The following ABTB2 variants were observed in gnomAD, a reference collection of about 807,000 sequenced individuals.
ABTB2 encodes ankyrin repeat and BTB/POZ domain-containing protein 2.
Under a neutral mutation model 104.1 loss-of-function variants are expected in ABTB2, and 56 were observed. The ratio of observed to expected loss-of-function variants is 0.54; its 90% confidence interval spans 0.43 to 0.67. ABTB2 has a LOEUF of 0.67. Among genes scored for constraint, ABTB2 ranks in the 30% least tolerant of loss-of-function variants. ABTB2 has a pLI of 0.00. For synonymous variants in ABTB2, 606 were observed against 608.2 expected (o/e 1.00, Z 0.05); for missense variants, 1,279 against 1,407.7 (o/e 0.91, Z 1.46).
Position 34,167,256 on chromosome 11 carries a change from C to A in ABTB2, c.1755+3G>T. On this transcript the variant is annotated splice_donor_region_variant and intron_variant, in intron 7 of 16. Transcript: ENST00000435224. ...GCATGGTGTTCACCTGGCAGGAGCT[C>A]ACCTGGACCACAGAGATGTGTCCAT... is the stretch of plus-strand genomic sequence containing the variant. 6.2e-7 allele frequency: 1 copy of A among 1,606,340 alleles called. No individual in the cohort carries two copies. Among genetic ancestry groups the A allele is most frequent in the South Asian group, 1.1e-5 (1 of 89,446 alleles).
intron 1 of ABTB2, among the ~76,000 whole-genome samples, chr11:34,340,496 G>A (rs561499212): frequency 1.1e-4 from 17 of 152,310 alleles, no homozygotes; most frequent in African/African-American, 3.9e-4. Context: ...GACTGGGGGA[G>A]TCAAGGTGCG....
intron 1 of ABTB2, among the ~76,000 whole-genome samples, chr11:34,207,040 C>T (rs1040493733): frequency 1.3e-5 from 2 of 152,238 alleles, no homozygotes; most frequent in East Asian, 3.8e-4. Flanking sequence ...GTCCCTAAAG[C>T]AGAAACTCTC....
At chr11:34,321,319 C>CTTCATGAGTGAACTT (rs1854999137) in intron 1 of ABTB2, among the ~76,000 whole-genome samples, 1 of 152,098 alleles carries the variant, frequency 6.6e-6, no homozygotes. Context: ...TGAGAGTGTG[C>CTTCATGAGTGAACTT]CATATTCAAT....
At chr11:34,351,896 C>T (rs1883736) in intron 1 of ABTB2, among the ~76,000 whole-genome samples, 23,912 of 151,942 alleles carry the variant, frequency 0.16, 3,285 homozygotes, top group African/African-American at 0.36. Context: ...GTTCCTCTTA[C>T]TACTTAAGGC....
chr11:34,341,401 A>G (rs1453876262), intron 1 of ABTB2, among the ~76,000 whole-genome samples: 1 of 152,090 alleles, frequency 6.6e-6, no homozygotes, highest in South Asian at 2.1e-4. Context: ...GAAGCTGGGG[A>G]ATGGTTGAAA....
chr11:34,174,130 C>T (rs1436005679), intron 3 of ABTB2, among the ~76,000 whole-genome samples: 1 of 152,118 alleles, frequency 6.6e-6, no homozygotes, highest in Non-Finnish European at 1.5e-5. Flanking sequence ...GTCAGGAGAT[C>T]GAGATCATCC....
chr11:34,219,244 A>G (rs949939418), intron 1 of ABTB2, among the ~76,000 whole-genome samples: 1 of 152,216 alleles, frequency 6.6e-6, no homozygotes, highest in Non-Finnish European at 1.5e-5. Flanking sequence ...CCATAAAGTT[A>G]TAATGGAGCT....
chr11:34,292,146 C>T (rs2755149), intron 1 of ABTB2, among the ~76,000 whole-genome samples: 88,108 of 151,832 alleles, frequency 0.58, 25,576 homozygotes, highest in Middle Eastern at 0.65. Context: ...GCTTGAGACA[C>T]TGGCCTAAGT....
At position 34,217,816 on chromosome 11, in the gene ABTB2, G is replaced by C. The variant is rs183655623; in HGVS notation, c.884-13126C>G. 8.5e-5 allele frequency among the ~76,000 whole-genome samples: 13 copies of C among 152,312 alleles called. No individual in the cohort carries two copies. In the East Asian group the frequency reaches 2.3e-3, roughly 27 times the overall value. ...TACTAAGGAATGCAGTTGCTGAATT[G>C]TATTGGTATCATATACCTATGAGTA... On this transcript the variant is annotated intron_variant, in intron 1 of 16. Coordinates refer to ENST00000435224, the MANE Select transcript of ABTB2 (RefSeq NM_145804.3).
At chr11:34,165,573 A>C (rs1027749365) in intron 7 of ABTB2, among the ~76,000 whole-genome samples, 3 of 152,238 alleles carry the variant, frequency 2.0e-5, no homozygotes, top group African/African-American at 7.2e-5. Flanking sequence ...GTGGTCCAAG[A>C]CCAAGCCCCT....
intron 1 of ABTB2, among the ~76,000 whole-genome samples, chr11:34,318,072 T>C (rs1199994643): frequency 2.6e-5 from 4 of 151,656 alleles, no homozygotes; most frequent in African/African-American, 7.3e-5. Context: ...GTTCAAGTAA[T>C]TCTCCTGCCT....
At chr11:34,274,775 G>A (rs1229747385) in intron 1 of ABTB2, among the ~76,000 whole-genome samples, 1 of 152,092 alleles carries the variant, frequency 6.6e-6, no homozygotes, top group East Asian at 1.9e-4. Flanking sequence ...CATTAGGCAT[G>A]CAGGTCAGCC....
At chr11:34,331,843 A>G (rs1039357594) in intron 1 of ABTB2, among the ~76,000 whole-genome samples, 1 of 152,244 alleles carries the variant, frequency 6.6e-6, no homozygotes. Context: ...TGCTAGCAAA[A>G]GTGTTAAGTA....
intron 3 of ABTB2, among the ~76,000 whole-genome samples, chr11:34,196,180 T>C (rs908039572): frequency 5.6e-4 from 86 of 152,274 alleles, no homozygotes; most frequent in African/African-American, 1.9e-3. Context: ...ATACAATGTT[T>C]GGTACGAGTT....
intron 16 of ABTB2, among the ~76,000 whole-genome samples, chr11:34,152,914 GTGCACATGGTAAA>G (rs1349062064): frequency 1.3e-5 from 2 of 152,332 alleles, no homozygotes; most frequent in East Asian, 3.9e-4. Flanking sequence ...GCATGTGACT[GTGCACATGGTAAA>G]TGCTGGATAA....
In ABTB2 at chr11:34,160,900, T is replaced by C; in HGVS notation, c.2397+3A>G. The C allele has an allele frequency of 6.3e-7, 1 of 1,599,296 alleles. No homozygotes were observed. The highest frequency in any genetic ancestry group is 8.5e-7 in the Non-Finnish European group (1 of 1,171,316). Reference sequence around the variant, plus strand: ...TTGGGAACTGGCCACTGGCCACACTTACTTTGCTGGTCTTGAGGATGTCGA... The same window carrying C: ...TTGGGAACTGGCCACTGGCCACACTCACTTTGCTGGTCTTGAGGATGTCGA... On this transcript the variant is annotated splice_donor_region_variant and intron_variant, in intron 11 of 16. Transcript: ENST00000435224.
Position 34,154,655 on chromosome 11 carries a change from G to C in ABTB2, c.2766+46C>G. 6.3e-7 allele frequency: 1 copy of C among 1,596,688 alleles called. No individual in the cohort carries two copies. The highest frequency in any genetic ancestry group is 8.6e-7 in the Non-Finnish European group (1 of 1,165,490). Reference sequence around the variant, plus strand: ...AAGGGGGTGAATGGGAGACCGAGCCGCTGGGCACCCTAGCCCAGGCCCCCT... The same window carrying C: ...AAGGGGGTGAATGGGAGACCGAGCCCCTGGGCACCCTAGCCCAGGCCCCCT... On this transcript the variant is annotated intron_variant, in intron 15 of 16. Transcript: ENST00000435224. This position sits in a 1 kb window ranked among gnomAD's most constrained non-coding sequence, Gnocchi z 4.9.
intron 1 of ABTB2, among the ~76,000 whole-genome samples, chr11:34,274,523 A>T (rs185581874): frequency 1.4e-3 from 208 of 151,614 alleles, no homozygotes; most frequent in African/African-American, 4.9e-3. Context: ...TTTTAATATG[A>T]TCTTTGCATC....
intron 1 of ABTB2, among the ~76,000 whole-genome samples, chr11:34,205,026 G>A (rs1164900939): frequency 2.0e-5 from 3 of 152,144 alleles, no homozygotes; most frequent in African/African-American, 4.8e-5. Context: ...GCCTGACTCA[G>A]CCCAGGCTCC....
Sources: gnomAD v4.1 joint callset for allele counts (sites outside exome capture counted in the v4.1 genomes callset) on GRCh38, gnomAD v4.1.1 for gene constraint, Gnocchi (gnomAD v3.1) non-coding constraint, MANE v1.5 for transcripts, NCBI Gene and HGNC (gene_info 2026-07-23, HGNC 2026-07-21) for gene names.